The following MACROD2 variants were observed in gnomAD, a reference collection of about 807,000 sequenced individuals.
MACROD2 encodes mono-ADP ribosylhydrolase 2.
A neutral mutation model predicts 70.4 loss-of-function variants in MACROD2; 36 were observed. The ratio of observed to expected loss-of-function variants is 0.51; its 90% confidence interval spans 0.39 to 0.68. The LOEUF (loss-of-function observed/expected upper bound fraction) is 0.68, where lower values mean the gene tolerates loss of function less well. MACROD2 is among the 30% of genes least tolerant of loss of function. The pLI is 0.00. For missense variants in MACROD2, 496 were observed against 538.4 expected (o/e 0.92, Z 0.78); for synonymous variants, 172 against 178.8 (o/e 0.96, Z 0.30).
At chr20:15,174,723 G>C (rs984532436) in intron 5 of MACROD2, among the ~76,000 whole-genome samples, 1 of 152,200 alleles carries the variant, frequency 6.6e-6, no homozygotes, top group African/African-American at 2.4e-5. Flanking sequence ...GTATCTCACT[G>C]TGGTTTTGAT....
At chr20:15,990,292 A>G (rs1051221118) in intron 15 of MACROD2, among the ~76,000 whole-genome samples, 1 of 152,198 alleles carries the variant, frequency 6.6e-6, no homozygotes, top group Non-Finnish European at 1.5e-5. Flanking sequence ...TCTCCTCTGA[A>G]AAGGATCTCA....
intron 5 of MACROD2, among the ~76,000 whole-genome samples, chr20:15,195,465 A>C (rs977102993): frequency 6.6e-6 from 1 of 152,044 alleles, no homozygotes; most frequent in African/African-American, 2.4e-5. Flanking sequence ...CTTGCAGCCA[A>C]CAAACATGAA....
intron 8 of MACROD2, among the ~76,000 whole-genome samples, chr20:15,812,135 T>G (rs150326626): frequency 3.2e-4 from 49 of 152,340 alleles, no homozygotes; most frequent in African/African-American, 1.1e-3. Flanking sequence ...TTTAAGCTGC[T>G]TATGAGATTG....
chr20:14,404,143 AAGAT>A (rs1307013241), intron 3 of MACROD2, among the ~76,000 whole-genome samples: 3 of 152,280 alleles, frequency 2.0e-5, no homozygotes. Context: ...GCAGAAGAGA[AAGAT>A]AGAGACACAA....
chr20:15,166,900 T>TAATTTAAGTATTTAATTTAAGTATTA lies in MACROD2; in HGVS notation c.419-63009_419-62984dup, dbSNP rs1371416305. Among the ~76,000 whole-genome samples, 138 of 150,300 alleles carry TAATTTAAGTATTTAATTTAAGTATTA rather than the reference T, an allele frequency of 9.2e-4. 3 individuals are homozygous for TAATTTAAGTATTTAATTTAAGTATTA. In the East Asian group the frequency reaches 0.02, roughly 22 times the overall value. On this transcript the variant is annotated intron_variant, in intron 5 of 17. Coordinates refer to ENST00000684519, the MANE Select transcript of MACROD2 (RefSeq NM_001351661.2). Reference sequence around the variant, plus strand: ...CTTATTAAATTTAAGTATTAAGTATTAATTTAAGTATTTAATTTAAGTATT... The same window carrying TAATTTAAGTATTTAATTTAAGTATTA: ...CTTATTAAATTTAAGTATTAAGTATTAATTTAAGTATTTAATTTAAGTATTAAATTTAAGTATTTAATTTAAGTATT...
intron 8 of MACROD2, among the ~76,000 whole-genome samples, chr20:15,555,122 T>C (rs1163979909): frequency 1.3e-5 from 2 of 150,830 alleles, no homozygotes; most frequent in East Asian, 2.0e-4. Context: ...GAAGAAGGAG[T>C]GTGTGAAGGG....
chr20:15,508,651 G>A (rs1031259452), intron 8 of MACROD2, among the ~76,000 whole-genome samples: 1 of 152,170 alleles, frequency 6.6e-6, no homozygotes, highest in African/African-American at 2.4e-5. Flanking sequence ...GGCCTGTCTA[G>A]CGTTGGGCAC....
chr20:15,407,853 A>G (rs781371079), intron 6 of MACROD2, among the ~76,000 whole-genome samples: 1 of 152,220 alleles, frequency 6.6e-6, no homozygotes, highest in Non-Finnish European at 1.5e-5. Flanking sequence ...AAGTTTACAG[A>G]TTAGCTAGTG....
At chr20:15,780,977 T>G (rs557243281) in intron 8 of MACROD2, among the ~76,000 whole-genome samples, 1 of 152,296 alleles carries the variant, frequency 6.6e-6, no homozygotes, top group Admixed American at 6.5e-5. Flanking sequence ...TCATTCCTCC[T>G]TCTCCCTTTC....
chr20:14,430,744 G>GT (rs907387709), intron 3 of MACROD2, among the ~76,000 whole-genome samples: 1 of 152,096 alleles, frequency 6.6e-6, no homozygotes, highest in African/African-American at 2.4e-5. Flanking sequence ...GCAGCAGGTT[G>GT]TAACCATGTG....
chr20:14,250,646 G>T (rs1487486603), intron 3 of MACROD2, among the ~76,000 whole-genome samples: 4 of 151,942 alleles, frequency 2.6e-5, no homozygotes, highest in African/African-American at 4.8e-5. Flanking sequence ...TTTCTTTTAC[G>T]CATATAATTT....
chr20:14,701,745 C>A (rs1451116990), intron 5 of MACROD2, among the ~76,000 whole-genome samples: 1 of 152,042 alleles, frequency 6.6e-6, no homozygotes, highest in African/African-American at 2.4e-5. Context: ...GGAGAAATAC[C>A]CTTGTATAGA....
chr20:15,019,729 T>C (rs1431439932), intron 5 of MACROD2, among the ~76,000 whole-genome samples: 1 of 152,160 alleles, frequency 6.6e-6, no homozygotes, highest in Non-Finnish European at 1.5e-5. Flanking sequence ...GAAAAACAGT[T>C]AGAGACCATT....
At chr20:15,257,703 T>C (rs2077211743) in intron 6 of MACROD2, among the ~76,000 whole-genome samples, 1 of 152,076 alleles carries the variant, frequency 6.6e-6, no homozygotes, top group African/African-American at 2.4e-5. Flanking sequence ...GTACAGCACA[T>C]ATATATGTAT....
At chr20:15,263,903 T>A (rs1296805373) in intron 6 of MACROD2, among the ~76,000 whole-genome samples, 1 of 152,152 alleles carries the variant, frequency 6.6e-6, no homozygotes, top group East Asian at 1.9e-4. Context: ...TTTTACTGAA[T>A]TTGTTTATCA....
chr20:15,085,307 A>G (rs894283257), intron 5 of MACROD2, among the ~76,000 whole-genome samples: 6 of 152,302 alleles, frequency 3.9e-5, no homozygotes, highest in Non-Finnish European at 8.8e-5. Flanking sequence ...GAATTTAGGG[A>G]TGCATTTTCA....
intron 6 of MACROD2, among the ~76,000 whole-genome samples, chr20:15,279,841 A>T (rs1024927921): frequency 6.6e-6 from 1 of 152,158 alleles, no homozygotes; most frequent in Non-Finnish European, 1.5e-5. Flanking sequence ...AGTGCAAAAA[A>T]ATTGACAAAT....
intron 8 of MACROD2, among the ~76,000 whole-genome samples, chr20:15,850,079 T>C (rs771971551): frequency 2.0e-5 from 3 of 152,158 alleles, no homozygotes; most frequent in African/African-American, 4.8e-5. Context: ...AGTGGATATC[T>C]GACCAATTTT....
intron 6 of MACROD2, among the ~76,000 whole-genome samples, chr20:15,372,527 A>C (rs539960840): frequency 6.6e-6 from 1 of 152,062 alleles, no homozygotes; most frequent in Non-Finnish European, 1.5e-5. Context: ...CTTTGTGTTC[A>C]TTGCTCATTT....
Sources: gnomAD v4.1 joint callset for allele counts (sites outside exome capture counted in the v4.1 genomes callset) on GRCh38, gnomAD v4.1.1 for gene constraint, MANE v1.5 for transcripts, NCBI Gene and HGNC (gene_info 2026-07-23, HGNC 2026-07-21) for gene names.